The following LMBR1 variants were observed in gnomAD, a reference collection of about 807,000 sequenced individuals.
LMBR1 encodes the protein limb region 1 protein homolog.
In LMBR1, 52 loss-of-function variants were observed where a neutral mutation model predicts 73.9. The ratio of observed to expected loss-of-function variants is 0.70; its 90% CI spans 0.56 to 0.89. The LOEUF is 0.89. Among genes scored for constraint, LMBR1 ranks in the 40% least tolerant of loss-of-function variants. The pLI is 0.00. For synonymous variants in LMBR1, 215 were observed against 209.4 expected (o/e 1.03, Z -0.23); for missense variants, 539 against 579.8 (o/e 0.93, Z 0.72).
At chr7:156,725,647 G>C in intron 13 of LMBR1, 117 bp downstream of exon 13, 1 of 1,215,332 alleles carries the variant, frequency 8.2e-7, no homozygotes, top group Non-Finnish European at 1.2e-6. Flanking sequence ...AAGTGCTTGA[G>C]GAAGACTAAC....
chr7:156,884,576 C>T (rs1474553254), intron 1 of LMBR1, among the ~76,000 whole-genome samples: 2 of 152,174 alleles, frequency 1.3e-5, no homozygotes, highest in Non-Finnish European at 2.9e-5. Flanking sequence ...AACAGCACCC[C>T]ATACAGATCA....
chr7:156,763,884 C>A (rs913334001), intron 5 of LMBR1, 89 bp from the exon 6 acceptor site: 3 of 1,042,878 alleles, frequency 2.9e-6, no homozygotes, highest in African/African-American at 3.4e-5. Flanking sequence ...ATAAAATAAT[C>A]CCTTGGAAGG....
intron 5 of LMBR1, among the ~76,000 whole-genome samples, chr7:156,777,046 C>T (rs944766564): frequency 2.1e-4 from 32 of 152,110 alleles, no homozygotes; most frequent in Admixed American, 8.5e-4. Flanking sequence ...ACTCTCCCGC[C>T]TCAGCCTCCT....
In LMBR1 at chr7:156,816,949, G is replaced by A. The variant is rs574634481; in HGVS notation, c.319+9656C>T. ...TTGTAAAATAAATATTAATCAAATC[G>A]CTCTGCTTTAGAAAGGTAAAATTAC... On this transcript the variant is annotated intron_variant, in intron 4 of 16. Transcript: ENST00000353442. 1.8e-3 allele frequency among the ~76,000 whole-genome samples: 269 copies of A among 151,900 alleles called. 1 individual carries two copies. The highest frequency in any genetic ancestry group is 3.2e-3 in the Non-Finnish European group (218 of 67,940).
chr7:156,823,336 C>T (rs1422989928), intron 4 of LMBR1: 5 of 151,932 alleles, frequency 3.3e-5, no homozygotes, highest in Non-Finnish European at 7.4e-5. Flanking sequence ...CAAGAGGCAC[C>T]TTCATGGTCT....
intron 10 of LMBR1, among the ~76,000 whole-genome samples, chr7:156,729,373 C>T (rs996145144): frequency 1.3e-5 from 2 of 151,418 alleles, no homozygotes; most frequent in African/African-American, 4.9e-5. Flanking sequence ...CAGTCCCCCA[C>T]GAATACTGAG....
chr7:156,873,340 G>A (rs1451660328), intron 1 of LMBR1, among the ~76,000 whole-genome samples: 1 of 152,152 alleles, frequency 6.6e-6, no homozygotes, highest in African/African-American at 2.4e-5. Flanking sequence ...GCTCAGGAGT[G>A]AAGCTGCAGA....
intron 9 of LMBR1, among the ~76,000 whole-genome samples, chr7:156,738,169 T>TG (rs1563248245): frequency 6.6e-6 from 1 of 151,962 alleles, no homozygotes; most frequent in East Asian, 1.9e-4. Context: ...TCTGTGTACT[T>TG]GGGGGAGGGA....
chr7:156,806,954 C>T (rs1281000427), intron 4 of LMBR1, among the ~76,000 whole-genome samples: 1 of 152,078 alleles, frequency 6.6e-6, no homozygotes, highest in Non-Finnish European at 1.5e-5. Flanking sequence ...TTCAGGCCTA[C>T]TTTGCTGAGA....
At chr7:156,799,793 G>T (rs1228379283) in intron 4 of LMBR1, among the ~76,000 whole-genome samples, 1 of 152,184 alleles carries the variant, frequency 6.6e-6, no homozygotes, top group East Asian at 1.9e-4. Flanking sequence ...CAAAGGAAAA[G>T]TTCCTAAAGG....
downstream of LMBR1, among the ~76,000 whole-genome samples, chr7:156,673,062 G>A (rs1585117495): frequency 6.6e-6 from 1 of 152,202 alleles, no homozygotes; most frequent in East Asian, 1.9e-4. Flanking sequence ...CGGGGTCTGG[G>A]CCCCACCTTG....
chr7:156,755,295 T>C (rs1821657970), intron 9 of LMBR1, among the ~76,000 whole-genome samples: 1 of 152,252 alleles, frequency 6.6e-6, no homozygotes, highest in African/African-American at 2.4e-5. Context: ...AGAAAGACCT[T>C]TTTTACTTTT....
At chr7:156,840,878 T>C (rs1399893950) in intron 1 of LMBR1, among the ~76,000 whole-genome samples, 1 of 139,328 alleles carries the variant, frequency 7.2e-6, no homozygotes, top group African/African-American at 2.7e-5. Context: ...GGCAGGAGAA[T>C]GGCGTGAACC....
Position 156,796,024 on chromosome 7 carries a change from C to T in LMBR1, c.423+365G>A, listed in dbSNP as rs186062458. Among the ~76,000 whole-genome samples, 13 of 152,128 alleles carry T rather than the reference C, an allele frequency of 8.5e-5. No individual in the cohort carries two copies. The highest frequency in any genetic ancestry group is 1.9e-4 in the African/African-American group (8 of 41,468). On this transcript the variant is annotated intron_variant, in intron 5 of 16. Transcript: ENST00000353442. ...TCAGTTTTCAGCTGCAGACTGTTAA[C>T]GTATGGAATAACAGCTAGATAACAG...
At position 156,680,388 on chromosome 7, in the gene LMBR1, G is replaced by GAGAGAC. The variant is rs1242075131; in HGVS notation, c.*3689_*3690insGTCTCT. The GAGAGAC allele has an allele frequency of 1.4e-5, 2 of 138,152 alleles. No individual in the cohort carries two copies. Among genetic ancestry groups the GAGAGAC allele is most frequent in the African/African-American group, 6.2e-5 (2 of 32,194 alleles). The allele number at this position is 138,152 out of a possible 1,614,324, so 8.6% of individuals were successfully genotyped here. A position where few individuals can be genotyped will look rare whatever the true frequency, so the allele number is the denominator to read the frequency against. ...CGTATCTGAGAGACAGAGAGAGAGA[G>GAGAGAC]AGAGAGAGAGAGAGAGTGTGTGTGT... On this transcript the variant is annotated 3_prime_UTR_variant, in exon 17 of 17. Coordinates refer to ENST00000353442, the MANE Select transcript of LMBR1 (RefSeq NM_022458.4).
intron 5 of LMBR1, among the ~76,000 whole-genome samples, chr7:156,770,473 T>C (rs574157434): frequency 6.6e-6 from 1 of 152,258 alleles, no homozygotes; most frequent in South Asian, 2.1e-4. Flanking sequence ...AAGAATACTT[T>C]ATAAAAACAT....
chr7:156,817,323 A>C (rs1224885382), intron 4 of LMBR1, among the ~76,000 whole-genome samples: 3 of 152,226 alleles, frequency 2.0e-5, no homozygotes, highest in Admixed American at 2.0e-4. Flanking sequence ...CAAAAGTTCA[A>C]TATTTCAGTA....
chr7:156,714,954 CTTTTTTT>C (rs58088822), intron 15 of LMBR1, among the ~76,000 whole-genome samples: 4 of 142,002 alleles, frequency 2.8e-5, no homozygotes, highest in South Asian at 2.2e-4. Flanking sequence ...ATACTTTTTT[CTTTTTTT>C]TTTTTTTTGA....
intron 4 of LMBR1, among the ~76,000 whole-genome samples, chr7:156,671,998 T>C (rs764429893): frequency 9.2e-5 from 14 of 152,200 alleles, no homozygotes; most frequent in Admixed American, 8.5e-4. Flanking sequence ...TCATCAAAAC[T>C]TGTGGAAAGG....
Sources: gnomAD v4.1 joint callset for allele counts (sites outside exome capture counted in the v4.1 genomes callset) on GRCh38, gnomAD v4.1.1 for gene constraint, MANE v1.5 for transcripts, NCBI Gene and HGNC (gene_info 2026-07-23, HGNC 2026-07-21) for gene names.